ARHGAP26: variants seen among roughly 807,000 people sequenced by gnomAD.
ARHGAP26 encodes rho GTPase-activating protein 26.
Under a neutral mutation model 104.8 loss-of-function variants are expected in ARHGAP26, and 38 were observed. That is an observed-to-expected ratio of 0.36 (90% CI 0.28 to 0.48). The LOEUF is 0.48. Among genes scored for constraint, ARHGAP26 ranks in the 20% least tolerant of loss-of-function variants. The pLI is 0.99. For synonymous variants in ARHGAP26, 341 were observed against 340.0 expected, an observed-to-expected ratio of 1.00 and a Z score of -0.03; for missense variants, 704 against 947.9, an observed-to-expected ratio of 0.74 and a Z score of 3.38.
intron 20 of ARHGAP26, among the ~76,000 whole-genome samples, chr5:143,180,362 G>C (rs1019185452): frequency 9.2e-5 from 14 of 152,020 alleles, no homozygotes; most frequent in Non-Finnish European, 1.6e-4. Context: ...TTGACCTCGT[G>C]ATCTGCCCAC....
chr5:143,044,833 A>G (rs1349859731), intron 14 of ARHGAP26, among the ~76,000 whole-genome samples: 1 of 152,212 alleles, frequency 6.6e-6, no homozygotes, highest in Admixed American at 6.5e-5. Flanking sequence ...AGATCAGGCA[A>G]GGCAAACCCT....
intron 12 of ARHGAP26, among the ~76,000 whole-genome samples, chr5:143,015,741 C>T (rs76556046): frequency 0.021 from 3,099 of 147,578 alleles, 98 homozygotes; most frequent in African/African-American, 0.073. Flanking sequence ...AGGAGAGGCA[C>T]GTGAATGGAG....
chr5:142,949,287 G>T (rs548575091), intron 11 of ARHGAP26, among the ~76,000 whole-genome samples: 5 of 144,694 alleles, frequency 3.5e-5, no homozygotes, highest in Admixed American at 1.4e-4. Context: ...CTACCGTCCA[G>T]TTTTTGTTGC....
chr5:142,867,148 G>A (rs1167756398), intron 1 of ARHGAP26, among the ~76,000 whole-genome samples: 1 of 152,182 alleles, frequency 6.6e-6, no homozygotes, highest in Non-Finnish European at 1.5e-5. Context: ...TTGAGTCTTA[G>A]CTGTTGTTTA....
chr5:142,893,267 C>T (rs1170240803), intron 5 of ARHGAP26, among the ~76,000 whole-genome samples: 1 of 152,198 alleles, frequency 6.6e-6, no homozygotes, highest in South Asian at 2.1e-4. Context: ...TGAACCACGG[C>T]ACCTGACTCC....
At chr5:142,813,821 T>C (rs1764594930) in intron 1 of ARHGAP26, among the ~76,000 whole-genome samples, 2 of 151,268 alleles carry the variant, frequency 1.3e-5, no homozygotes, top group South Asian at 2.1e-4. Flanking sequence ...GACTTCAACA[T>C]AGGAATTTTA....
intron 11 of ARHGAP26, among the ~76,000 whole-genome samples, chr5:142,987,178 T>C (rs1372812459): frequency 9.9e-5 from 15 of 152,180 alleles, no homozygotes; most frequent in Admixed American, 2.0e-4. Flanking sequence ...CGTTGAGCAG[T>C]GGTTTGTAGT....
At chr5:142,859,342 C>CT (rs1429159046) in intron 1 of ARHGAP26, among the ~76,000 whole-genome samples, 6 of 152,248 alleles carry the variant, frequency 3.9e-5, no homozygotes, top group African/African-American at 1.4e-4. Context: ...GGACTGGGTA[C>CT]TTAATCTGTG....
At chr5:143,031,398 T>C (rs554673956) in intron 12 of ARHGAP26, among the ~76,000 whole-genome samples, 2 of 152,048 alleles carry the variant, frequency 1.3e-5, no homozygotes, top group Non-Finnish European at 2.9e-5. Flanking sequence ...TGGCAACAGA[T>C]GATTGAGGTA....
At chr5:143,075,312 AATAT>A (rs1210273526) in intron 17 of ARHGAP26, among the ~76,000 whole-genome samples, 1 of 149,430 alleles carries the variant, frequency 6.7e-6, no homozygotes, top group Non-Finnish European at 1.5e-5. Context: ...TATAAATATA[AATAT>A]ATATAAATAT....
At chr5:143,094,623 G>C (rs1401745923) in intron 17 of ARHGAP26, among the ~76,000 whole-genome samples, 1 of 152,220 alleles carries the variant, frequency 6.6e-6, no homozygotes, top group East Asian at 1.9e-4. Flanking sequence ...CTTACAGATG[G>C]AACAATGGTG....
chr5:142,967,731 TAGAA>T lies in ARHGAP26; in HGVS notation c.1107+35607_1107+35610del, dbSNP rs374150723. On this transcript the variant is annotated intron_variant, in intron 11 of 22. Coordinates refer to ENST00000645722, the MANE Select transcript of ARHGAP26 (RefSeq NM_001135608.3). ...AACCAGAAGCATTTAGTTGGGTAAA[TAGAA>T]GGAAGGAAAGAACCCAGTTTGTTAG... Among the ~76,000 whole-genome samples the T allele has an allele frequency of 3.4e-3, 511 of 152,132 alleles. 1 individual carries two copies. Among genetic ancestry groups the T allele is most frequent in the Non-Finnish European group, 5.5e-3 (375 of 67,988 alleles).
intron 20 of ARHGAP26, among the ~76,000 whole-genome samples, chr5:143,197,818 T>C (rs1295124676): frequency 6.6e-6 from 1 of 152,202 alleles, no homozygotes; most frequent in East Asian, 1.9e-4. Context: ...TGGTGTGAGG[T>C]AGGGGATTCT....
intron 20 of ARHGAP26, among the ~76,000 whole-genome samples, chr5:143,167,966 CAT>C (rs1321031233): frequency 6.6e-6 from 1 of 152,088 alleles, no homozygotes; most frequent in Non-Finnish European, 1.5e-5. Context: ...ATAACAGAAA[CAT>C]AAAGTACTTG....
intron 11 of ARHGAP26, among the ~76,000 whole-genome samples, chr5:142,963,227 T>TGTGTGTGTGTGTGTGC (rs1562165374): frequency 3.4e-5 from 5 of 146,296 alleles, no homozygotes; most frequent in African/African-American, 1.3e-4. Context: ...TGTGCGCGTG[T>TGTGTGTGTGTGTGTGC]GTGTGTGTAC....
At chr5:142,957,859 C>G (rs1769517586) in intron 11 of ARHGAP26, among the ~76,000 whole-genome samples, 1 of 152,244 alleles carries the variant, frequency 6.6e-6, no homozygotes, top group African/African-American at 2.4e-5. Flanking sequence ...CAGTTCTTCC[C>G]ACTTTCACGC....
intron 20 of ARHGAP26, among the ~76,000 whole-genome samples, chr5:143,175,327 G>C (rs892691837): frequency 5.9e-5 from 9 of 152,166 alleles, no homozygotes; most frequent in African/African-American, 2.2e-4. Context: ...AAATGCTTAG[G>C]GGTGCCTGCA....
At chr5:143,212,382 T>G (rs1030403436) in intron 21 of ARHGAP26, among the ~76,000 whole-genome samples, 1 of 151,726 alleles carries the variant, frequency 6.6e-6, no homozygotes, top group African/African-American at 2.4e-5. Flanking sequence ...ATGCCTCTTA[T>G]ATTCCTCCCT....
intron 1 of ARHGAP26, among the ~76,000 whole-genome samples, chr5:142,853,562 G>T (rs1751889787): frequency 6.6e-6 from 1 of 152,140 alleles, no homozygotes; most frequent in African/African-American, 2.4e-5. Flanking sequence ...TCACTTACTG[G>T]CAATTTTCCC....
Sources: allele counts gnomAD v4.1 joint callset (sites outside exome capture counted in the v4.1 genomes callset), GRCh38; gene constraint gnomAD v4.1.1; transcripts MANE v1.5; gene names NCBI Gene and HGNC (gene_info 2026-07-23, HGNC 2026-07-21).